BZW2: variants seen among roughly 807,000 people sequenced by gnomAD.
BZW2 encodes basic leucine zipper and W2 domains 2, also known as eIF5-mimic protein 1.
Under a neutral mutation model 53.2 loss-of-function variants are expected in BZW2, and 23 were observed. The ratio of observed to expected loss-of-function variants is 0.43; its 90% CI spans 0.31 to 0.61. The LOEUF (loss-of-function observed/expected upper bound fraction) is 0.61. Ranked by LOEUF, BZW2 falls within the 20% of genes least tolerant of loss-of-function variation. The pLI, the probability that BZW2 is intolerant of heterozygous loss-of-function variation, is 0.09. For synonymous variants in BZW2, 227 were observed against 186.4 expected (o/e 1.22, Z -1.77); for missense variants, 409 against 503.1 (o/e 0.81, Z 1.79).
intron 8 of BZW2, among the ~76,000 whole-genome samples, chr7:16,696,607 TCC>T (rs1254934890): frequency 6.6e-6 from 1 of 152,162 alleles, no homozygotes; most frequent in Admixed American, 6.5e-5. Context: ...GGCTCAAGTA[TCC>T]CTACTCTACT....
chr7:16,689,885 C>T lies in BZW2; in HGVS notation c.630C>T (p.Ala210=). ...ANSVTSSLRK[A]NLDKRLLELF... is the part of the protein sequence containing the mutation. ...CTGTTACCTCGTCTTTGAGAAAAGC[C>T]AACTTAGACAAGAGGCTGCTTGTAA... The change falls in exon 7 of 12, where the codon GCC becomes GCT. Residue 210 remains alanine, a synonymous_variant. Coordinates refer to ENST00000258761, the MANE Select transcript of BZW2 (RefSeq NM_014038.3). 1 of 1,610,894 alleles carries T rather than the reference C, an allele frequency of 6.2e-7. No homozygotes were observed. Among genetic ancestry groups the T allele is most frequent in the East Asian group, 2.2e-5 (1 of 44,794 alleles).
intron 1 of BZW2, 92 bp from the exon 2 acceptor site, chr7:16,665,335 ATGAGTGAGGT>A (rs1280106962): frequency 2.9e-6 from 4 of 1,374,792 alleles, no homozygotes; most frequent in Non-Finnish European, 4.1e-6. Flanking sequence ...ATATTCAGTA[ATGAGTGAGGT>A]TGAACATATG....
At chr7:16,680,730 A>G (rs192186808) in intron 3 of BZW2, among the ~76,000 whole-genome samples, 1 of 152,060 alleles carries the variant, frequency 6.6e-6, no homozygotes, top group Non-Finnish European at 1.5e-5. Context: ...TCACTTGAGC[A>G]CCCTGGAGGT....
At chr7:16,694,358 G>A (rs1485352820) in intron 7 of BZW2, among the ~76,000 whole-genome samples, 2 of 152,288 alleles carry the variant, frequency 1.3e-5, no homozygotes, top group Non-Finnish European at 2.9e-5. Context: ...ATGTCAAGGG[G>A]CTGCATCTGG....
At chr7:16,671,823 T>C (rs1782608775) in intron 2 of BZW2, among the ~76,000 whole-genome samples, 1 of 150,346 alleles carries the variant, frequency 6.7e-6, no homozygotes, top group South Asian at 2.1e-4. Context: ...CCCAGCTACT[T>C]GGGAAGCTGA....
intron 1 of BZW2, among the ~76,000 whole-genome samples, chr7:16,655,278 A>T (rs1782095431): frequency 6.6e-6 from 1 of 152,244 alleles, no homozygotes; most frequent in East Asian, 1.9e-4. Flanking sequence ...TGTTTAATGG[A>T]AGCATTATTA....
intron 3 of BZW2, among the ~76,000 whole-genome samples, 169 bp downstream of exon 3, chr7:16,674,757 C>T (rs576147150): frequency 6.6e-6 from 1 of 152,226 alleles, no homozygotes; most frequent in South Asian, 2.1e-4. Context: ...GGTATTAATG[C>T]AGATGTGAAA....
intron 1 of BZW2, among the ~76,000 whole-genome samples, chr7:16,664,455 G>A (rs935817613): frequency 2.6e-5 from 4 of 152,180 alleles, no homozygotes; most frequent in Admixed American, 2.0e-4. Flanking sequence ...AGCTGGGGAC[G>A]ATCTTTCCTG....
At chr7:16,682,698 TG>T in intron 4 of BZW2, 81 bp from the exon 5 acceptor site, 1 of 736,304 alleles carries the variant, frequency 1.4e-6, no homozygotes, top group Non-Finnish European at 2.2e-6. Context: ...TATAGATCTA[TG>T]GTGTCATTAT....
chr7:16,651,811 T>A (rs1781989991), intron 1 of BZW2, among the ~76,000 whole-genome samples: 1 of 152,132 alleles, frequency 6.6e-6, no homozygotes, highest in African/African-American at 2.4e-5. Flanking sequence ...TGGAGAACTC[T>A]TTGGTATTTT....
chr7:16,681,114 AAAAG>A (rs1782931611), intron 3 of BZW2, among the ~76,000 whole-genome samples, 183 bp from the exon 4 acceptor site: 1 of 152,134 alleles, frequency 6.6e-6, no homozygotes, highest in Non-Finnish European at 1.5e-5. Flanking sequence ...CATCTCAAAA[AAAAG>A]GAAAAAATGT....
In BZW2 at chr7:16,685,991, G is replaced by A; in HGVS notation, c.492G>A (p.Leu164=). 6.2e-7 allele frequency: 1 copy of A among 1,602,596 alleles called. No individual in the cohort carries two copies. Among genetic ancestry groups the A allele is most frequent in the Non-Finnish European group, 8.5e-7 (1 of 1,176,258 alleles). The change falls in exon 6 of 12, where the codon CTG becomes CTA. Residue 164 remains leucine (L), a synonymous_variant. Transcript: ENST00000258761. ...GGATTCTGCTGGGCAATGGCACCCTGCCCGCCACCATCCTCACCAGTCTCT... is the reference window on the plus strand; with the variant it reads ...GGATTCTGCTGGGCAATGGCACCCTACCCGCCACCATCCTCACCAGTCTCT... ...LSGILLGNGT[L]PATILTSLFT... is the part of the protein sequence containing the mutation.
chr7:16,663,932 A>G (rs1269364544), intron 1 of BZW2, among the ~76,000 whole-genome samples: 1 of 152,236 alleles, frequency 6.6e-6, no homozygotes, highest in Admixed American at 6.5e-5. Flanking sequence ...GTAAAATAGT[A>G]TAAAGTACTC....
rs767317583 is a variant in BZW2 at position 16,689,863 on chromosome 7, T to C, written c.608T>C (p.Val203Ala). 1 of 1,612,118 alleles carries C rather than the reference T, an allele frequency of 6.2e-7. No individual in the cohort carries two copies. The highest frequency in any genetic ancestry group is 1.1e-5 in the South Asian group (1 of 90,652). The change falls in exon 7 of 12, where the codon GTT becomes GCT. Residue 203 changes from valine to alanine, a missense_variant. Transcript: ENST00000258761. ...AWMAEKDANS[V>A]TSSLRKANLD... ...ATGGCAGAAAAAGATGCCAACTCTG[T>C]TACCTCGTCTTTGAGAAAAGCCAAC...
At position 16,689,829 on chromosome 7, in the gene BZW2, A is replaced by C; in HGVS notation, c.574A>C (p.Lys192Gln). The change falls in exon 7 of 12, where the codon AAA (lysine) becomes CAA (glutamine). Residue 192 changes from lysine to glutamine, a missense_variant. Coordinates refer to ENST00000258761, the MANE Select transcript of BZW2 (RefSeq NM_014038.3). Reference protein sequence around the residue: ...IAASFAVKLFKAWMAEKDANS... With the variant: ...IAASFAVKLFQAWMAEKDANS... ...GGCCTCATTTGCTGTCAAGCTTTTC[A>C]AAGCATGGATGGCAGAAAAAGATGC... 1 of 1,610,616 alleles carries C rather than the reference A, an allele frequency of 6.2e-7. No individual in the cohort carries two copies. The highest frequency in any genetic ancestry group is 8.5e-7 in the Non-Finnish European group (1 of 1,178,236).
chr7:16,665,089 ATCACAAGGT>A (rs1357401118), intron 1 of BZW2, among the ~76,000 whole-genome samples: 1 of 152,192 alleles, frequency 6.6e-6, no homozygotes, highest in Non-Finnish European at 1.5e-5. Context: ...AGGTGGGTGG[ATCACAAGGT>A]CTGGAGTTCA....
intron 8 of BZW2, 62 bp downstream of exon 8, chr7:16,695,066 T>C: frequency 7.0e-7 from 1 of 1,421,422 alleles, no homozygotes; most frequent in Non-Finnish European, 9.4e-7. Context: ...ACATGGGCTG[T>C]GTAGCAAAGG....
chr7:16,657,222 A>T (rs185488403), intron 1 of BZW2, among the ~76,000 whole-genome samples: 2 of 152,360 alleles, frequency 1.3e-5, no homozygotes, highest in East Asian at 3.9e-4. Context: ...CAGAAAATAT[A>T]GACAAGTATA....
At chr7:16,691,345 A>G (rs1490811211) in intron 7 of BZW2, among the ~76,000 whole-genome samples, 1 of 152,236 alleles carries the variant, frequency 6.6e-6, no homozygotes, top group Non-Finnish European at 1.5e-5. Flanking sequence ...GTCACAGAAG[A>G]TAAGTGAATA....
Sources: allele counts gnomAD v4.1 joint callset (sites outside exome capture counted in the v4.1 genomes callset), GRCh38; gene constraint gnomAD v4.1.1; transcripts MANE v1.5; gene names NCBI Gene and HGNC (gene_info 2026-07-23, HGNC 2026-07-21).